LYN: variants seen among roughly 807,000 people sequenced by gnomAD.
LYN encodes the protein tyrosine-protein kinase Lyn.
In LYN, 12 loss-of-function variants were observed where a neutral mutation model predicts 65.0. That is an observed-to-expected ratio of 0.18 (90% CI 0.12 to 0.30). LYN has a LOEUF of 0.30. Ranked by LOEUF, LYN falls within the 10% of genes least tolerant of loss-of-function variation. LYN has a pLI of 1.00. For missense variants in LYN, 380 were observed against 623.2 expected, an observed-to-expected ratio of 0.61 and a Z score of 4.16; for synonymous variants, 222 against 221.2, an observed-to-expected ratio of 1.00 and a Z score of -0.03.
At chr8:55,887,575 T>TACACACACACACACACAC (rs372547745) in intron 1 of LYN, among the ~76,000 whole-genome samples, 3,208 of 92,500 alleles carry the variant, frequency 0.035, 141 homozygotes, top group East Asian at 0.094. Context: ...TATATATATA[T>TACACACACACACACACAC]ACACACACAC....
chr8:55,908,309 A>G (rs1245580528), intron 1 of LYN, among the ~76,000 whole-genome samples: 1 of 151,466 alleles, frequency 6.6e-6, no homozygotes, highest in Admixed American at 6.6e-5. Context: ...CAGTGGTGCA[A>G]TCTCGACTCA....
intron 12 of LYN, among the ~76,000 whole-genome samples, chr8:56,003,144 C>T (rs956802917): frequency 1.3e-5 from 2 of 151,716 alleles, no homozygotes; most frequent in Non-Finnish European, 2.9e-5. Context: ...ACTGCTAGCC[C>T]CACCTCCCGG....
At chr8:55,909,658 T>A (rs1305683618) in intron 1 of LYN, among the ~76,000 whole-genome samples, 2 of 152,250 alleles carry the variant, frequency 1.3e-5, no homozygotes, top group African/African-American at 4.8e-5. Context: ...CAGTTTTCAT[T>A]ATTTGAGAAA....
intron 10 of LYN, among the ~76,000 whole-genome samples, chr8:55,979,962 G>C (rs1807873322): frequency 6.6e-6 from 1 of 152,198 alleles, no homozygotes; most frequent in Non-Finnish European, 1.5e-5. Context: ...GTTCCTTGGA[G>C]ATGAGGCCTG....
chr8:55,993,878 A>T (rs1808308114), intron 10 of LYN, among the ~76,000 whole-genome samples: 1 of 152,204 alleles, frequency 6.6e-6, no homozygotes, highest in Non-Finnish European at 1.5e-5. Flanking sequence ...ACTCCCACAG[A>T]AGTCAAGCTT....
chr8:55,999,925 C>T (rs111611540), intron 12 of LYN, among the ~76,000 whole-genome samples: 4,149 of 151,620 alleles, frequency 0.027, 180 homozygotes, highest in African/African-American at 0.093. Flanking sequence ...GAGCTGAGAT[C>T]GCGCCATTCC....
chr8:55,923,489 AC>A (rs944819819), intron 1 of LYN, among the ~76,000 whole-genome samples: 1 of 152,158 alleles, frequency 6.6e-6, no homozygotes, highest in African/African-American at 2.4e-5. Context: ...TTTCAAGGCA[AC>A]CCGACAGCAG....
intron 1 of LYN, among the ~76,000 whole-genome samples, chr8:55,886,765 C>T (rs1234139271): frequency 6.6e-6 from 1 of 152,168 alleles, no homozygotes; most frequent in Non-Finnish European, 1.5e-5. Context: ...AATAGATATA[C>T]ATAGTTTCAG....
At chr8:55,951,845 A>G (rs1174803508) in intron 6 of LYN, 121 bp from the exon 7 acceptor site, 1 of 754,566 alleles carries the variant, frequency 1.3e-6, no homozygotes, top group Non-Finnish European at 2.1e-6. Flanking sequence ...TGCATTTTAT[A>G]CAAATTTCAT....
intron 1 of LYN, among the ~76,000 whole-genome samples, chr8:55,936,312 C>T (rs946366552): frequency 6.6e-6 from 1 of 152,192 alleles, no homozygotes; most frequent in Non-Finnish European, 1.5e-5. Flanking sequence ...GCTTCCTCCA[C>T]AGAAAGGCAG....
intron 2 of LYN, among the ~76,000 whole-genome samples, chr8:55,945,245 G>A (rs1487483752): frequency 6.6e-6 from 1 of 152,166 alleles, no homozygotes; most frequent in Non-Finnish European, 1.5e-5. Flanking sequence ...TGTAAGTTAA[G>A]GGCTTTTTGA....
chr8:55,962,201 T>G (rs969729675), intron 8 of LYN, among the ~76,000 whole-genome samples: 1 of 152,136 alleles, frequency 6.6e-6, no homozygotes, highest in Non-Finnish European at 1.5e-5. Flanking sequence ...TTCATCTTCA[T>G]TCCATATGGT....
At position 55,950,697 on chromosome 8, in the gene LYN, A is replaced by G. The variant is rs368483911; in HGVS notation, c.400A>G (p.Ile134Val). 5.0e-6 allele frequency: 8 copies of G among 1,613,766 alleles called. No individual in the cohort carries two copies. The African/African-American group carries it at 1.1e-4, about 22-fold the overall frequency. ...LETEEWFFKD[I>V]TRKDAERQLL... is the part of the protein sequence containing the mutation. ...TCTTCACAGGTGGTTTTTCAAGGAT[A>G]TAACCAGGAAGGACGCAGAAAGGCA... The change falls in exon 6 of 13, where the codon ATA becomes GTA. Residue 134 changes from isoleucine to valine, a missense_variant. Ile to Val is a conservative substitution (Grantham distance 29, BLOSUM62 3). Coordinates refer to ENST00000519728, the MANE Select transcript of LYN (RefSeq NM_002350.4).
intron 4 of LYN, 80 bp downstream of exon 4, chr8:55,947,803 T>C (rs1412226927): frequency 2.7e-5 from 26 of 973,998 alleles, no homozygotes; most frequent in Non-Finnish European, 3.6e-5. Context: ...GTCTTGCTTC[T>C]GGTGCTACAG....
At chr8:55,975,014 T>C (rs1229568094) in intron 10 of LYN, among the ~76,000 whole-genome samples, 2 of 152,106 alleles carry the variant, frequency 1.3e-5, no homozygotes, top group East Asian at 1.9e-4. Context: ...GGCCTACACA[T>C]TCCCAATCGC....
At chr8:55,900,359 A>G (rs6995146) in intron 1 of LYN, among the ~76,000 whole-genome samples, 5,958 of 152,128 alleles carry the variant, frequency 0.039, 365 homozygotes, top group African/African-American at 0.13. Context: ...GGGAAAAATA[A>G]TCTTCCTCTT....
chr8:56,002,796 A>G (rs1199386635), intron 12 of LYN, among the ~76,000 whole-genome samples: 2 of 152,180 alleles, frequency 1.3e-5, no homozygotes, highest in Non-Finnish European at 2.9e-5. Context: ...AGATATCTTC[A>G]GGAGATCGGG....
In LYN at chr8:55,998,518, CT is replaced by C; in HGVS notation, c.1204+22del. 6.3e-7 allele frequency: 1 copy of C among 1,587,584 alleles called. No homozygotes were observed. Among genetic ancestry groups the C allele is most frequent in the Non-Finnish European group, 8.6e-7 (1 of 1,158,108 alleles). On this transcript the variant is annotated intron_variant, in intron 11 of 12. Coordinates refer to ENST00000519728, the MANE Select transcript of LYN (RefSeq NM_002350.4). ...AGGGAAGGTATGTTGCACTAATGAT[CT>C]TTAGATGTTTTATTATTGTGTTTTA...
chr8:55,922,994 C>T (rs1462734479), intron 1 of LYN, among the ~76,000 whole-genome samples: 3 of 152,036 alleles, frequency 2.0e-5, no homozygotes, highest in Non-Finnish European at 4.4e-5. Flanking sequence ...CTTTCCGAGC[C>T]TAGAATCCAA....
Sources: allele counts gnomAD v4.1 joint callset (sites outside exome capture counted in the v4.1 genomes callset), GRCh38; gene constraint gnomAD v4.1.1; transcripts MANE v1.5; gene names NCBI Gene and HGNC (gene_info 2026-07-23, HGNC 2026-07-21).